Variants in EHD2 observed in about 807,000 individuals in gnomAD.
The protein encoded by EHD2 is EH domain-containing protein 2.
EHD2 carries 27 observed loss-of-function variants against 41.0 expected under a neutral mutation model. The ratio of observed to expected loss-of-function variants is 0.66; its 90% confidence interval spans 0.49 to 0.91. The LOEUF (loss-of-function observed/expected upper bound fraction) is 0.91, where lower values mean the gene tolerates loss of function less well. Among genes scored for constraint, EHD2 ranks in the 40% least tolerant of loss-of-function variants. The probability of loss-of-function intolerance (pLI) is 0.00; values close to 1 mark genes in which losing one functional copy is unlikely to be tolerated. For synonymous variants in EHD2, 342 were observed against 341.0 expected, an observed-to-expected ratio of 1.00 and a Z score of -0.03; for missense variants, 673 against 773.9, an observed-to-expected ratio of 0.87 and a Z score of 1.55.
At chr19:47,720,127 G>C (rs974183890) in intron 3 of EHD2, among the ~76,000 whole-genome samples, 1 of 151,978 alleles carries the variant, frequency 6.6e-6, no homozygotes, top group Admixed American at 6.6e-5. Context: ...GTGTGTGTGT[G>C]TGTGTGCGCA....
rs1973676969 is a variant in EHD2, at chr19:47,719,922, G to C, written c.502+1316G>C. ...TTGAGGATAGAGGAAGAGGAGGAGA[G>C]AGTGTCCAGCTGTTGGTGTGTATAT... On this transcript the variant is annotated intron_variant, in intron 3 of 5. Coordinates refer to ENST00000263277, the MANE Select transcript of EHD2 (RefSeq NM_014601.4). The surrounding 1 kb of genome is among the most constrained non-coding windows in gnomAD (Gnocchi z 4.1). Among the ~76,000 whole-genome samples the C allele has an allele frequency of 6.6e-6, 1 of 150,786 alleles. No homozygotes were observed. Among genetic ancestry groups the C allele is most frequent in the South Asian group, 2.1e-4 (1 of 4,802 alleles).
chr19:47,728,735 A>AT (rs538685978), intron 4 of EHD2, among the ~76,000 whole-genome samples: 4,298 of 151,748 alleles, frequency 0.028, 204 homozygotes, highest in African/African-American at 0.097. Flanking sequence ...CACCCAGCTA[A>AT]TTTTTTGTAT....
At chr19:47,733,891 C>T in intron 4 of EHD2, among the ~76,000 whole-genome samples, 1 of 152,042 alleles carries the variant, frequency 6.6e-6, no homozygotes, top group African/African-American at 2.4e-5. Flanking sequence ...CTTGAGGACC[C>T]CTGGGTTTCC....
In EHD2 at chr19:47,719,834, G is replaced by A. The variant is rs1251440949; in HGVS notation, c.502+1228G>A. On this transcript the variant is annotated intron_variant, in intron 3 of 5. Transcript: ENST00000263277. This position sits in a 1 kb window ranked among gnomAD's most constrained non-coding sequence, Gnocchi z 4.1. ...CTCTCTCAGCCAGGGCAGGGGTGCC[G>A]GCAGGGGGGTTCAAAGGCCATGGGT... Among the ~76,000 whole-genome samples the A allele has an allele frequency of 6.6e-6, 1 of 152,004 alleles. No individual in the cohort carries two copies. The highest frequency in any genetic ancestry group is 1.9e-4 in the East Asian group (1 of 5,186).
At position 47,725,954 on chromosome 19, in the gene EHD2, C is replaced by A. The variant is rs1043214730; in HGVS notation, c.645C>A (p.Arg215=). ...GALRGHEDKI[R]VVLNKADMVE... ...TGCGGGGCCATGAGGACAAGATCCG[C>A]GTGGTGCTCAACAAGGCCGACATGG... is the stretch of plus-strand genomic sequence containing the variant. The change falls in exon 4 of 6, where the codon CGC becomes CGA. Residue 215 remains arginine (R), a synonymous_variant. Coordinates refer to ENST00000263277, the MANE Select transcript of EHD2 (RefSeq NM_014601.4). The A allele has an allele frequency of 1.2e-6, 2 of 1,613,540 alleles. No individual in the cohort carries two copies. The highest frequency in any genetic ancestry group is 1.7e-5 in the Admixed American group (1 of 59,986).
At position 47,739,274 on chromosome 19, in the gene EHD2, A is replaced by ATTT. The variant is rs57266469; in HGVS notation, c.1081-1582_1081-1580dup. The stretch of plus-strand genomic sequence containing the variant: ...CACCACCACACCTGGCTAATTTTTA[A>ATTT]TTTTTTTTTTTTTTTTTTTTTTTTT... On this transcript the variant is annotated intron_variant, in intron 5 of 5. Coordinates refer to ENST00000263277, the MANE Select transcript of EHD2 (RefSeq NM_014601.4). Among the ~76,000 whole-genome samples the ATTT allele has an allele frequency of 8.9e-3, 1,027 of 115,994 alleles. 30 individuals are homozygous for ATTT. The highest frequency in any genetic ancestry group is 0.03 in the African/African-American group (961 of 32,360). 76.1% of individuals were successfully genotyped at this position (115,994 alleles called of 152,430 possible).
chr19:47,725,650 C>G (rs2123645220), intron 3 of EHD2, among the ~76,000 whole-genome samples, 162 bp from the exon 4 acceptor site: 1 of 152,336 alleles, frequency 6.6e-6, no homozygotes, highest in Admixed American at 6.5e-5. Context: ...GTAGTGCCCA[C>G]TGAGGGCCTT....
rs1360769987 is a variant in EHD2 at position 47,741,547 on chromosome 19, C to CG, written c.*120dup. 8.0e-6 allele frequency: 10 copies of CG among 1,245,750 alleles called. No homozygotes were observed. In the African/African-American group the frequency reaches 1.4e-4, roughly 17 times the overall value. The allele number at this position is 1,245,750 out of a possible 1,614,324, so 77.2% of individuals were successfully genotyped here. The stretch of plus-strand genomic sequence containing the variant: ...GCCCTCCCTGCCCAGCTGTAAGGAC[C>CG]GGGGGTCTCCCTCCTCACTACCGCC... On this transcript the variant is annotated 3_prime_UTR_variant, in exon 6 of 6. Coordinates refer to ENST00000263277, the MANE Select transcript of EHD2 (RefSeq NM_014601.4). This position sits in a 1 kb window ranked among gnomAD's most constrained non-coding sequence, Gnocchi z 4.5.
chr19:47,725,524 C>T lies in EHD2; in HGVS notation c.503-288C>T, dbSNP rs1226808745. Among the ~76,000 whole-genome samples, 3 of 152,048 alleles carry T rather than the reference C, an allele frequency of 2.0e-5. No individual in the cohort carries two copies. The South Asian group carries it at 6.2e-4, about 31-fold the overall frequency. ...AGCAGAGGTTGCAGGGAGGCGTGAT[C>T]CCGCCATTGTGCTCGAGCAAAGGAA... On this transcript the variant is annotated intron_variant, in intron 3 of 5. Transcript: ENST00000263277.
chr19:47,738,773 C>T (rs1298194052), intron 5 of EHD2, among the ~76,000 whole-genome samples: 2 of 152,222 alleles, frequency 1.3e-5, no homozygotes, highest in Admixed American at 6.5e-5. Flanking sequence ...CCCAACCCTT[C>T]AGAGTCGTGA....
At position 47,741,591 on chromosome 19, in the gene EHD2, AT is replaced by A; in HGVS notation, c.*162del. 1 of 844,978 alleles carries A rather than the reference AT, an allele frequency of 1.2e-6. No individual in the cohort carries two copies. The highest frequency in any genetic ancestry group is 1.8e-6 in the Non-Finnish European group (1 of 556,714). The allele number at this position is 844,978 out of a possible 1,614,324, so 52.3% of individuals were successfully genotyped here. On this transcript the variant is annotated 3_prime_UTR_variant, in exon 6 of 6. Coordinates refer to ENST00000263277, the MANE Select transcript of EHD2 (RefSeq NM_014601.4). This position sits in a 1 kb window ranked among gnomAD's most constrained non-coding sequence, Gnocchi z 4.5. ...TACCGCCAGACACCCCGGTGGAAGC[AT>A]TTAGAGGGGACCACGGGAGGGACAA...
chr19:47,725,939 T>C lies in EHD2; in HGVS notation c.630T>C (p.His210=), dbSNP rs1973746418. 1 of 1,613,988 alleles carries C rather than the reference T, an allele frequency of 6.2e-7. No individual in the cohort carries two copies. The highest frequency in any genetic ancestry group is 8.5e-7 in the Non-Finnish European group (1 of 1,179,868). Residue 210 remains histidine (H), a synonymous_variant, in exon 4 of 6, where the codon CAT becomes CAC. Coordinates refer to ENST00000263277, the MANE Select transcript of EHD2 (RefSeq NM_014601.4). ...AGGCCATCGGCGCGTTGCGGGGCCA[T>C]GAGGACAAGATCCGCGTGGTGCTCA... ...FSEAIGALRG[H]EDKIRVVLNK... is the part of the protein sequence containing the mutation.
chr19:47,726,811 T>G (rs1973758220), intron 4 of EHD2, among the ~76,000 whole-genome samples: 2 of 152,248 alleles, frequency 1.3e-5, no homozygotes, highest in South Asian at 4.1e-4. Flanking sequence ...CCCAAGTAGC[T>G]GAGACCACAG....
chr19:47,716,530 A>G (rs549878731), intron 1 of EHD2, 28 bp from the exon 2 acceptor site: 6 of 1,417,662 alleles, frequency 4.2e-6, no homozygotes, highest in African/African-American at 1.4e-5. Flanking sequence ...TGGGCCGCCT[A>G]TGCTCATGCC....
chr19:47,725,448 A>G lies in EHD2; in HGVS notation c.503-364A>G, dbSNP rs370037080. Among the ~76,000 whole-genome samples the G allele has an allele frequency of 1.9e-4, 28 of 150,442 alleles. No homozygotes were observed. The Middle Eastern group carries it at 0.011, about 58-fold the overall frequency. On this transcript the variant is annotated intron_variant, in intron 3 of 5. Transcript: ENST00000263277. ...GCCAGGTGTGGTGATGCGCGCCTGC[A>G]GTCCCAGCTACTAGGGAGGCTGAGG...
chr19:47,741,117 C>T lies in EHD2; in HGVS notation c.1317C>T (p.Asp439=), dbSNP rs543104405. 1.7e-5 allele frequency: 27 copies of T among 1,610,830 alleles called. No individual in the cohort carries two copies. The South Asian group carries it at 1.9e-4, about 11-fold the overall frequency. The change falls in exon 6 of 6, where the codon GAC becomes GAT. Residue 439 remains aspartate (D), a synonymous_variant. Coordinates refer to ENST00000263277, the MANE Select transcript of EHD2 (RefSeq NM_014601.4). The surrounding 1 kb of genome is among the most constrained non-coding windows in gnomAD (Gnocchi z 4.5). ...TGGAGGACGGCGAGGAGGGCTCGGA[C>T]GACGAGGCCGAGTGGGTGGTGACCA... is the stretch of plus-strand genomic sequence containing the variant. ...EAMEDGEEGS[D]DEAEWVVTKD...
chr19:47,726,392 CT>C, intron 4 of EHD2, 168 bp downstream of exon 4: 2 of 680,640 alleles, frequency 2.9e-6, no homozygotes, highest in Non-Finnish European at 4.3e-6. Flanking sequence ...TATGGAGAGA[CT>C]CATTCCTCTG....
Position 47,741,981 on chromosome 19 carries a change from C to T in EHD2, c.*549C>T, listed in dbSNP as rs1188927647. 2.2e-6 allele frequency: 1 copy of T among 455,842 alleles called. No homozygotes were observed. Among genetic ancestry groups the T allele is most frequent in the Admixed American group, 2.4e-5 (1 of 42,460 alleles). 28.2% of individuals were successfully genotyped at this position (455,842 alleles called of 1,614,324 possible). ...TCCTCCTGCCCAGCCAGGCAACACCCTCAACCGGCTCCATCACATCCTCAG... is the reference window on the plus strand; with the variant it reads ...TCCTCCTGCCCAGCCAGGCAACACCTTCAACCGGCTCCATCACATCCTCAG... On this transcript the variant is annotated 3_prime_UTR_variant, in exon 6 of 6. Transcript: ENST00000263277. The surrounding 1 kb of genome is among the most constrained non-coding windows in gnomAD (Gnocchi z 4.5).
chr19:47,727,102 T>C (rs1329237683), intron 4 of EHD2, among the ~76,000 whole-genome samples: 1 of 152,164 alleles, frequency 6.6e-6, no homozygotes, highest in Non-Finnish European at 1.5e-5. Context: ...TATTTCTTTT[T>C]CTTCTTCTTT....
Sources: gnomAD v4.1 joint callset for allele counts (sites outside exome capture counted in the v4.1 genomes callset) on GRCh38, gnomAD v4.1.1 for gene constraint, Gnocchi (gnomAD v3.1) non-coding constraint, MANE v1.5 for transcripts, NCBI Gene and HGNC (gene_info 2026-07-23, HGNC 2026-07-21) for gene names.